Variants in JAK3 observed in about 807,000 individuals in gnomAD.
The protein encoded by JAK3 is tyrosine-protein kinase JAK3.
In JAK3, 88 loss-of-function variants were observed where a neutral mutation model predicts 120.8. The ratio of observed to expected loss-of-function variants is 0.73; its 90% CI spans 0.61 to 0.87. JAK3 has a LOEUF of 0.87. Ranked by LOEUF, JAK3 falls within the 40% of genes least tolerant of loss-of-function variation. JAK3 has a pLI of 0.00. For synonymous variants in JAK3, 592 were observed against 628.6 expected (o/e 0.94, Z 0.87); for missense variants, 1,254 against 1,501.4 (o/e 0.84, Z 2.72).
rs137901277 is a variant in JAK3 at position 17,830,592 on chromosome 19, T to C, written c.3007A>G (p.Ile1003Val). ...WYAPESLSDN[I>V]FSRQSDVWSF... The stretch of plus-strand genomic sequence containing the variant: ...CAGACGTCTGACTGGCGAGAGAAGA[T>C]GTTGTCCGAGAGGGATTCGGGGGCA... Residue 1003 changes from isoleucine (I) to valine (V), a missense_variant, in exon 22 of 24, where the codon ATC becomes GTC. By Grantham distance (29) the Ile-to-Val change is conservative (BLOSUM62 3). Around this residue, in one of 3 missense-constraint regions of JAK3, gnomAD observed 630 missense variants for 819.8 expected, o/e 0.77. Transcript: ENST00000458235. 115 of 1,612,738 alleles carry C rather than the reference T, an allele frequency of 7.1e-5. 1 individual carries two copies. The highest frequency in any genetic ancestry group is 8.5e-6 in the Non-Finnish European group (10 of 1,179,700).
At position 17,831,871 on chromosome 19, in the gene JAK3, G is replaced by A; in HGVS notation, c.2681-73C>T. On this transcript the variant is annotated intron_variant, in intron 19 of 23. Transcript: ENST00000458235. The surrounding 1 kb of genome is among the most constrained non-coding windows in gnomAD (Gnocchi z 5.1). Reference sequence around the variant, plus strand: ...CCCCATTCTTCCCCCCTTTCACAGTGGGACCTTGTGTCCCTCTCGACCTCA... The same window carrying A: ...CCCCATTCTTCCCCCCTTTCACAGTAGGACCTTGTGTCCCTCTCGACCTCA... 1.3e-6 allele frequency: 2 copies of A among 1,590,550 alleles called. No individual in the cohort carries two copies. Among genetic ancestry groups the A allele is most frequent in the Non-Finnish European group, 1.7e-6 (2 of 1,163,978 alleles).
chr19:17,835,301 C>A (rs1326214262), intron 14 of JAK3, 86 bp from the exon 15 acceptor site: 5 of 1,514,132 alleles, frequency 3.3e-6, no homozygotes, highest in Admixed American at 1.9e-5. Flanking sequence ...TCCTTCAAAA[C>A]CCACTTGGTA....
chr19:17,828,049 A>G (rs1335598707), intron 23 of JAK3, among the ~76,000 whole-genome samples: 1 of 151,862 alleles, frequency 6.6e-6, no homozygotes, highest in Non-Finnish European at 1.5e-5. Context: ...TTACCTCCCC[A>G]AGGCCTTTTT....
rs761716275 is a variant in JAK3, at chr19:17,829,846, T to C, written c.3207+262A>G. On this transcript the variant is annotated intron_variant, in intron 23 of 23. Transcript: ENST00000458235. ...TGCTCGGCTTTGAGCTGAGCCCTCA[T>C]AGGCACAGGTGTTCAGGAGTCTAAT... The C allele has an allele frequency of 1.3e-4, 74 of 580,834 alleles. No homozygotes were observed. The Middle Eastern group carries it at 1.3e-3, about 10-fold the overall frequency. The allele number at this position is 580,834 out of a possible 1,614,324, so 36.0% of individuals were successfully genotyped here. A position where few individuals can be genotyped will look rare whatever the true frequency, so the allele number is the denominator to read the frequency against.
In JAK3 at chr19:17,841,075, T is replaced by G. The variant is rs2094237385; in HGVS notation, c.1142+314A>C. Among the ~76,000 whole-genome samples, 1 of 152,066 alleles carries G rather than the reference T, an allele frequency of 6.6e-6. No individual in the cohort carries two copies. Among genetic ancestry groups the G allele is most frequent in the African/African-American group, 2.4e-5 (1 of 41,402 alleles). ...CAAACAATCCTCCTGCCTTGGCCCC[T>G]CAAAGCGCTGCGATTGCAGGTGTGC... On this transcript the variant is annotated intron_variant, in intron 8 of 23. Transcript: ENST00000458235. This position sits in a 1 kb window ranked among gnomAD's most constrained non-coding sequence, Gnocchi z 4.1.
chr19:17,837,001 C>T (rs1191841698), intron 13 of JAK3, 128 bp downstream of exon 13: 1 of 719,206 alleles, frequency 1.4e-6, no homozygotes, highest in Non-Finnish European at 2.5e-6. Context: ...GGGTAATGAA[C>T]ACGGCTCCCA....
In JAK3 at chr19:17,843,404, T is replaced by C; in HGVS notation, c.396A>G (p.Pro132=). 1 of 1,596,688 alleles carries C rather than the reference T, an allele frequency of 6.3e-7. No individual in the cohort carries two copies. Among genetic ancestry groups the C allele is most frequent in the Non-Finnish European group, 8.5e-7 (1 of 1,171,958 alleles). The change falls in exon 4 of 24, where the codon CCA becomes CCG. Residue 132 remains proline, a synonymous_variant. Coordinates refer to ENST00000458235, the MANE Select transcript of JAK3 (RefSeq NM_000215.4). The surrounding 1 kb of genome is among the most constrained non-coding windows in gnomAD (Gnocchi z 5.4). ...CCTGGGCAAAGAGGTGCTCCAGGAC[T>C]GGCAGGTCAAGGATAGCACTGGCCA... is the stretch of plus-strand genomic sequence containing the variant. ...KDLASAILDL[P]VLEHLFAQHR... is the part of the protein sequence containing the mutation.
At position 17,841,699 on chromosome 19, in the gene JAK3, C is replaced by A; in HGVS notation, c.925G>T (p.Val309Phe). The A allele has an allele frequency of 6.2e-7, 1 of 1,613,616 alleles. No individual in the cohort carries two copies. The highest frequency in any genetic ancestry group is 8.5e-7 in the Non-Finnish European group (1 of 1,179,972). Residue 309 changes from valine to phenylalanine, a missense_variant, in exon 7 of 24, where the codon GTT (valine) becomes TTT (phenylalanine). Val to Phe is a conservative substitution (Grantham distance 50). Transcript: ENST00000458235. The surrounding 1 kb of genome is among the most constrained non-coding windows in gnomAD (Gnocchi z 4.1). ...VDISIKQAPR[V>F]GPAGEHRLVT... ...AGGCGGTGCTCTCCGGCCGGGCCAA[C>A]GCGCGGGGCCTGCTTGATGCTAATG...
chr19:17,842,833 G>C lies in JAK3; in HGVS notation c.566+194C>G. On this transcript the variant is annotated intron_variant, in intron 5 of 23. Transcript: ENST00000458235. The surrounding 1 kb of genome is among the most constrained non-coding windows in gnomAD (Gnocchi z 6.4). ...GGACAGGGACCCCACAGGCCTTTTA[G>C]CTGGGGGAGGTCAGGTGTCTGTCCA... 3.4e-6 allele frequency: 3 copies of C among 883,000 alleles called. No homozygotes were observed. Among genetic ancestry groups the C allele is most frequent in the African/African-American group, 1.7e-5 (1 of 60,524 alleles). 54.7% of individuals were successfully genotyped at this position (883,000 alleles called of 1,614,324 possible).
chr19:17,827,012 C>G, intron 23 of JAK3, 102 bp from the exon 24 acceptor site: 1 of 1,322,288 alleles, frequency 7.6e-7, no homozygotes, highest in Non-Finnish European at 1.0e-6. Flanking sequence ...CGGAGTCTAG[C>G]TCTGTTGTCC....
intron 13 of JAK3, chr19:17,836,796 A>G (rs955591443): frequency 4.3e-6 from 2 of 466,422 alleles, no homozygotes; most frequent in Non-Finnish European, 8.0e-6. Flanking sequence ...GTCACATTCT[A>G]GGCTCTGTCC....
Position 17,839,571 on chromosome 19 carries a change from A to G in JAK3, c.1347T>C (p.Ser449=). The change falls in exon 10 of 24, where the codon AGT becomes AGC. Residue 449 remains serine, a synonymous_variant. Coordinates refer to ENST00000458235, the MANE Select transcript of JAK3 (RefSeq NM_000215.4). ...LLVGLSRPHS[S]LRELLATCWD... Reference sequence around the variant, plus strand: ...AGCAGGTTGCCAGGAGCTCTCGAAGACTGCTGTGGGGTCGGCTGAGGCCAA... The same window carrying G: ...AGCAGGTTGCCAGGAGCTCTCGAAGGCTGCTGTGGGGTCGGCTGAGGCCAA... 2 of 1,610,824 alleles carry G rather than the reference A, an allele frequency of 1.2e-6. No individual in the cohort carries two copies. Among genetic ancestry groups the G allele is most frequent in the African/African-American group, 2.7e-5 (2 of 74,982 alleles).
chr19:17,839,525 C>G lies in JAK3; in HGVS notation c.1393G>C (p.Asp465His). 1 of 1,600,440 alleles carries G rather than the reference C, an allele frequency of 6.2e-7. No individual in the cohort carries two copies. Among genetic ancestry groups the G allele is most frequent in the Non-Finnish European group, 8.5e-7 (1 of 1,173,540 alleles). ...GAAGTGAGGGTCACTGCCACCCCAT[C>G]TACGTGCAGCCCCCCATCCCAGCAG... ...ATCWDGGLHV[D>H]GVAVTLTSCC... Residue 465 changes from aspartate (D) to histidine (H), a missense_variant, in exon 10 of 24, where the codon GAT (aspartate) becomes CAT (histidine). This residue lies in a region of JAK3 where 486 missense variants were observed against 503.0 expected (regional missense o/e 0.97). Coordinates refer to ENST00000458235, the MANE Select transcript of JAK3 (RefSeq NM_000215.4).
chr19:17,837,845 T>C, intron 12 of JAK3, 87 bp downstream of exon 12: 1 of 1,584,076 alleles, frequency 6.3e-7, no homozygotes, highest in Non-Finnish European at 8.6e-7. Flanking sequence ...CACGCCCAGG[T>C]CCCTGTGTGT....
chr19:17,831,918 G>A lies in JAK3; in HGVS notation c.2681-120C>T. On this transcript the variant is annotated intron_variant, in intron 19 of 23. Coordinates refer to ENST00000458235, the MANE Select transcript of JAK3 (RefSeq NM_000215.4). The surrounding 1 kb of genome is among the most constrained non-coding windows in gnomAD (Gnocchi z 5.1). The stretch of plus-strand genomic sequence containing the variant: ...CTCAGTTTTGCTGACTGTAATATGG[G>A]AACCGCAACAATGACACATTGCTAA... 1.6e-6 allele frequency: 2 copies of A among 1,215,240 alleles called. No homozygotes were observed. Among genetic ancestry groups the A allele is most frequent in the Non-Finnish European group, 2.4e-6 (2 of 837,796 alleles). The allele number at this position is 1,215,240 out of a possible 1,614,324, so 75.3% of individuals were successfully genotyped here.
intron 11 of JAK3, 26 bp from the exon 12 acceptor site, chr19:17,838,089 A>G: frequency 6.2e-7 from 1 of 1,614,054 alleles, no homozygotes; most frequent in Non-Finnish European, 8.5e-7. Context: ...ACAGCAGAAG[A>G]GGCCAGTGAG....
At chr19:17,827,807 CAGG>C (rs2094206844) in intron 23 of JAK3, among the ~76,000 whole-genome samples, 1 of 139,208 alleles carries the variant, frequency 7.2e-6, no homozygotes, top group Admixed American at 7.4e-5. Flanking sequence ...GAGTCTAAGG[CAGG>C]AGAATTGCTT....
chr19:17,846,982 C>T (rs1343223046), intron 1 of JAK3, among the ~76,000 whole-genome samples: 1 of 152,084 alleles, frequency 6.6e-6, no homozygotes, highest in Non-Finnish European at 1.5e-5. Flanking sequence ...ACTGCAAACT[C>T]CACCTCCCAG....
intron 1 of JAK3, among the ~76,000 whole-genome samples, chr19:17,847,734 A>G (rs1426036042): frequency 6.9e-6 from 1 of 145,810 alleles, no homozygotes; most frequent in South Asian, 2.3e-4. Flanking sequence ...CAAGGCAGGC[A>G]TCTCCCGGCC....
Sources: allele counts gnomAD v4.1 joint callset (sites outside exome capture counted in the v4.1 genomes callset), GRCh38; gene constraint gnomAD v4.1.1; regional missense constraint gnomAD v4.1.1; non-coding constraint Gnocchi (gnomAD v3.1); transcripts MANE v1.5; gene names NCBI Gene and HGNC (gene_info 2026-07-23, HGNC 2026-07-21).